The following ATP2B3 variants were observed in gnomAD, a reference collection of about 807,000 sequenced individuals.
ATP2B3 encodes ATPase plasma membrane Ca2+ transporting 3.
A neutral mutation model predicts 70.8 loss-of-function variants in ATP2B3; 12 were observed. The ratio of observed to expected loss-of-function variants is 0.17; its 90% CI spans 0.11 to 0.27. The LOEUF is 0.27. Ranked by LOEUF, ATP2B3 falls within the 10% of genes least tolerant of loss-of-function variation. The probability of loss-of-function intolerance (pLI) is 1.00; values close to 1 mark genes in which losing one functional copy is unlikely to be tolerated. For synonymous variants in ATP2B3, 460 were observed against 497.8 expected, an observed-to-expected ratio of 0.92 and a Z score of 1.01; for missense variants, 858 against 1,118.5, an observed-to-expected ratio of 0.77 and a Z score of 3.32.
chrX:153,552,456 C>A, intron 12 of ATP2B3, among the ~76,000 whole-genome samples: 1 of 112,423 alleles, frequency 8.9e-6, no homozygotes. Flanking sequence ...CCTCTCCCCA[C>A]CTGAATCCTC....
At chrX:153,562,836 C>T (rs1473578179) in intron 20 of ATP2B3, among the ~76,000 whole-genome samples, 4 of 112,462 alleles carry the variant, frequency 3.6e-5, no homozygotes, top group African/African-American at 9.7e-5. Context: ...CTTACTTTCT[C>T]GAAGTCCCGG....
intron 21 of ATP2B3, among the ~76,000 whole-genome samples, chrX:153,578,357 G>A (rs782545970): frequency 2.3e-4 from 26 of 112,839 alleles, no homozygotes; most frequent in Admixed American, 3.7e-4. Context: ...TCAGCGCTCC[G>A]TCTGCTGCCC....
At position 153,541,833 on chromosome X, in the gene ATP2B3, C is replaced by G; in HGVS notation, c.571C>G (p.Gln191Glu). The G allele has an allele frequency of 8.3e-7, 1 of 1,211,680 alleles. No homozygotes were observed. The highest frequency in any genetic ancestry group is 1.1e-6 in the Non-Finnish European group (1 of 895,562). Residue 191 changes from glutamine to glutamate, a missense_variant, in exon 5 of 22, where the codon CAG (glutamine) becomes GAG (glutamate). Gln to Glu is a conservative substitution (Grantham distance 29). Transcript: ENST00000263519. ...CCGAGGCCTGCAGAGCCGAATTGAGCAGGAGCAGAAGTTCACGGTCATCCG... is the reference window on the plus strand; with the variant it reads ...CCGAGGCCTGCAGAGCCGAATTGAGGAGGAGCAGAAGTTCACGGTCATCCG... ...QFRGLQSRIE[Q>E]EQKFTVIRNG...
Position 153,560,627 on chromosome X carries a change from C to T in ATP2B3, c.2840-49C>T, listed in dbSNP as rs201209805. On this transcript the variant is annotated intron_variant, in intron 18 of 21. Coordinates refer to ENST00000263519, the MANE Select transcript of ATP2B3 (RefSeq NM_001001344.3). ...ACCGAAGTCTCGCTCCTGAGTAATGCGTCATGCGCTGAGATGACTGTGCCT... is the reference window on the plus strand; with the variant it reads ...ACCGAAGTCTCGCTCCTGAGTAATGTGTCATGCGCTGAGATGACTGTGCCT... The T allele has an allele frequency of 2.1e-4, 243 of 1,173,651 alleles. No individual in the cohort carries two copies. In the African/African-American group the frequency reaches 3.3e-3, roughly 16 times the overall value.
rs151103774 is a variant in ATP2B3 at position 153,553,891 on chromosome X, G to A, written c.2058+622G>A. 2.3e-3 allele frequency among the ~76,000 whole-genome samples: 260 copies of A among 113,252 alleles called. 1 individual carries two copies. Among genetic ancestry groups the A allele is most frequent in the African/African-American group, 7.8e-3 (244 of 31,236 alleles). On this transcript the variant is annotated intron_variant, in intron 13 of 21. Coordinates refer to ENST00000263519, the MANE Select transcript of ATP2B3 (RefSeq NM_001001344.3). Reference sequence around the variant, plus strand: ...CCGGAGGGAGAATGCAAGGCATGGGGTGCCCCTCTGTCTCCCCAGGGCCTC... The same window carrying A: ...CCGGAGGGAGAATGCAAGGCATGGGATGCCCCTCTGTCTCCCCAGGGCCTC...
At chrX:153,542,591 G>A in intron 6 of ATP2B3, 143 bp downstream of exon 6, 2 of 873,182 alleles carry the variant, frequency 2.3e-6, no homozygotes, top group Admixed American at 3.7e-5. Context: ...GGAATCTGAA[G>A]ACTCCGCCCG....
intron 21 of ATP2B3, among the ~76,000 whole-genome samples, chrX:153,578,160 T>G (rs1395846322): frequency 8.9e-6 from 1 of 112,443 alleles, no homozygotes; most frequent in Non-Finnish European, 1.9e-5. Context: ...AAAATTTTAT[T>G]AACCAAAACT....
In ATP2B3 at chrX:153,559,879, A is replaced by T; in HGVS notation, c.2776A>T (p.Met926Leu). 8.3e-7 allele frequency: 1 copy of T among 1,212,058 alleles called. No homozygotes were observed. The highest frequency in any genetic ancestry group is 1.1e-6 in the Non-Finnish European group (1 of 895,567). ...RDKPLISRTMMKNILGHAVYQ... is the reference protein window; with the variant it reads ...RDKPLISRTMLKNILGHAVYQ... ...CAAGCCCCTCATCTCCCGCACCATG[A>T]TGAAGAACATTCTGGGCCACGCCGT... The change falls in exon 18 of 22, where the codon ATG (methionine) becomes TTG (leucine). Residue 926 changes from methionine (M) to leucine (L), a missense_variant. Around this residue, in one of 5 missense-constraint regions of ATP2B3, gnomAD observed 265 missense variants for 305.3 expected, o/e 0.87. Transcript: ENST00000263519.
intron 21 of ATP2B3, chrX:153,569,945 C>T (rs1333336754): frequency 3.0e-5 from 14 of 473,304 alleles, no homozygotes; most frequent in African/African-American, 4.9e-5. Context: ...TTTTATGAAA[C>T]GTATTCAACC....
chrX:153,553,405 T>C, intron 13 of ATP2B3, 136 bp downstream of exon 13: 1 of 533,457 alleles, frequency 1.9e-6, no homozygotes, highest in East Asian at 3.7e-5. Flanking sequence ...CCGTCCTGGG[T>C]GCTCTCACCC....
chrX:153,573,215 T>C (rs181598400), intron 21 of ATP2B3, among the ~76,000 whole-genome samples: 159 of 112,473 alleles, frequency 1.4e-3, no homozygotes, highest in Non-Finnish European at 1.2e-3. Context: ...CTTGGTTTTA[T>C]TGGCTTTGGC....
At chrX:153,550,350 A>G (rs2090438285) in intron 12 of ATP2B3, 64 bp downstream of exon 12, 1 of 1,191,565 alleles carries the variant, frequency 8.4e-7, no homozygotes, top group African/African-American at 1.7e-5. Context: ...GTCGTGGTAA[A>G]AGAGGCCGAA....
chrX:153,575,804 G>C (rs1216532166), intron 21 of ATP2B3, among the ~76,000 whole-genome samples: 2 of 112,078 alleles, frequency 1.8e-5, no homozygotes, highest in African/African-American at 6.5e-5. Context: ...TCAGGGATGG[G>C]AGAGGAGGAG....
intron 2 of ATP2B3, among the ~76,000 whole-genome samples, chrX:153,527,082 T>G (rs1025517687): frequency 4.4e-5 from 5 of 112,538 alleles, no homozygotes; most frequent in Non-Finnish European, 9.4e-5. Flanking sequence ...CAGCTGCCTG[T>G]AATTTCCTTA....
At chrX:153,547,422 C>T (rs1423641710) in intron 8 of ATP2B3, among the ~76,000 whole-genome samples, 3 of 111,032 alleles carry the variant, frequency 2.7e-5, no homozygotes, top group East Asian at 5.7e-4. Context: ...GCTTCTGGGC[C>T]TCCCTAAGGG....
At chrX:153,542,228 C>G (rs1472398729) in intron 5 of ATP2B3, 95 bp from the exon 6 acceptor site, 1 of 1,151,809 alleles carries the variant, frequency 8.7e-7, no homozygotes. Context: ...TCCTGAGTCC[C>G]TTTCCCAGGC....
At chrX:153,557,209 G>A (rs782156996) in intron 16 of ATP2B3, among the ~76,000 whole-genome samples, 186 bp downstream of exon 16, 2 of 112,333 alleles carry the variant, frequency 1.8e-5, no homozygotes, top group East Asian at 5.6e-4. Flanking sequence ...GGGACATGTG[G>A]TTAAAGGCAT....
In ATP2B3 at chrX:153,580,949, A is replaced by C; in HGVS notation, c.*651A>C. 1 of 112,482 alleles carries C rather than the reference A, an allele frequency of 8.9e-6. No homozygotes were observed. Among genetic ancestry groups the C allele is most frequent in the East Asian group, 2.8e-4 (1 of 3,569 alleles). 9.3% of individuals were successfully genotyped at this position (112,482 alleles called of 1,213,427 possible). A position where few individuals can be genotyped will look rare whatever the true frequency, so the allele number is the denominator to read the frequency against. On this transcript the variant is annotated 3_prime_UTR_variant, in exon 22 of 22. Transcript: ENST00000263519. ...CATGCACATATGTGTATGTGTGTGG[A>C]TCTGTACACACACACGTATATATGG...
chrX:153,557,885 C>CCT (rs1569535146), intron 16 of ATP2B3, among the ~76,000 whole-genome samples: 2 of 107,553 alleles, frequency 1.9e-5, no homozygotes, highest in East Asian at 5.9e-4. Flanking sequence ...GAGCAAAGCC[C>CCT]CCCCCCCCAC....
Sources: gnomAD v4.1 joint callset for allele counts (sites outside exome capture counted in the v4.1 genomes callset) on GRCh38, gnomAD v4.1.1 for gene constraint, gnomAD v4.1.1 regional missense constraint, MANE v1.5 for transcripts, NCBI Gene and HGNC (gene_info 2026-07-23, HGNC 2026-07-21) for gene names.